Variants in ATP6V1H observed in about 807,000 individuals in gnomAD.
ATP6V1H encodes the protein V-type proton ATPase subunit H.
In ATP6V1H, 39 loss-of-function variants were observed where a neutral mutation model predicts 71.7. The observed-to-expected ratio is 0.54, with a 90% CI of 0.42 to 0.71. ATP6V1H has a LOEUF of 0.71. ATP6V1H is among the 30% of genes least tolerant of loss of function. The probability of loss-of-function intolerance (pLI) is 0.00; values close to 1 mark genes in which losing one functional copy is unlikely to be tolerated. For missense variants in ATP6V1H, 509 were observed against 594.9 expected, an observed-to-expected ratio of 0.86 and a Z score of 1.50; for synonymous variants, 192 against 199.3, an observed-to-expected ratio of 0.96 and a Z score of 0.31.
At chr8:53,727,388 T>C (rs2130109926) in intron 13 of ATP6V1H, among the ~76,000 whole-genome samples, 1 of 152,334 alleles carries the variant, frequency 6.6e-6, no homozygotes, top group Non-Finnish European at 1.5e-5. Flanking sequence ...CAGTTCTCCC[T>C]AGAGTTAAGC....
chr8:53,770,386 G>T (rs1338633230), intron 10 of ATP6V1H, among the ~76,000 whole-genome samples: 2 of 152,128 alleles, frequency 1.3e-5, no homozygotes, highest in East Asian at 3.8e-4. Flanking sequence ...CTTTACAGTA[G>T]GAAAATGTTT....
chr8:53,783,992 G>A (rs1429843709), intron 9 of ATP6V1H, among the ~76,000 whole-genome samples: 1 of 152,242 alleles, frequency 6.6e-6, no homozygotes, highest in Non-Finnish European at 1.5e-5. Flanking sequence ...TAGGTGTGGT[G>A]TGGTGCTGAA....
chr8:53,746,252 T>C (rs1468304781), intron 12 of ATP6V1H, among the ~76,000 whole-genome samples: 1 of 151,982 alleles, frequency 6.6e-6, no homozygotes, highest in Non-Finnish European at 1.5e-5. Flanking sequence ...ATGATTGATA[T>C]TATTATGTTT....
At chr8:53,755,775 T>A (rs1490482242) in intron 12 of ATP6V1H, among the ~76,000 whole-genome samples, 1 of 76,500 alleles carries the variant, frequency 1.3e-5, no homozygotes, top group Admixed American at 1.4e-4. Flanking sequence ...TTTTTTTTTT[T>A]GAGACGGAGT....
intron 4 of ATP6V1H, among the ~76,000 whole-genome samples, chr8:53,828,043 T>C (rs1810878434): frequency 6.6e-6 from 1 of 152,216 alleles, no homozygotes; most frequent in African/African-American, 2.4e-5. Flanking sequence ...ATGTCTTTGC[T>C]AATGTGAATG....
chr8:53,804,751 G>T (rs1810023588), intron 7 of ATP6V1H, among the ~76,000 whole-genome samples: 1 of 152,174 alleles, frequency 6.6e-6, no homozygotes, highest in Admixed American at 6.5e-5. Context: ...AGTATTCTTT[G>T]TACTGTGCCA....
At chr8:53,750,466 G>A (rs571371746) in intron 12 of ATP6V1H, among the ~76,000 whole-genome samples, 3 of 152,112 alleles carry the variant, frequency 2.0e-5, no homozygotes, top group Non-Finnish European at 2.9e-5. Flanking sequence ...CAAGCAAAAC[G>A]ACATAAAACA....
chr8:53,719,301 G>C (rs1806535508), intron 13 of ATP6V1H, among the ~76,000 whole-genome samples: 2 of 152,088 alleles, frequency 1.3e-5, no homozygotes, highest in Admixed American at 1.3e-4. Flanking sequence ...CCCCCGAGTA[G>C]CTGGGATTAC....
intron 12 of ATP6V1H, among the ~76,000 whole-genome samples, chr8:53,752,542 T>A (rs945367019): frequency 1.9e-4 from 29 of 152,216 alleles, no homozygotes; most frequent in African/African-American, 6.8e-4. Flanking sequence ...AAACTGAGTA[T>A]AGATACTTTC....
intron 7 of ATP6V1H, 68 bp downstream of exon 7, chr8:53,811,096 T>C (rs1810258924): frequency 7.0e-7 from 1 of 1,423,856 alleles, no homozygotes. Flanking sequence ...ACCTTCAAAA[T>C]TTTAAGTGTA....
intron 12 of ATP6V1H, among the ~76,000 whole-genome samples, chr8:53,750,975 G>A (rs1200044001): frequency 6.6e-6 from 1 of 152,122 alleles, no homozygotes; most frequent in African/African-American, 2.4e-5. Flanking sequence ...TATTATCAAT[G>A]AGTATTAACT....
chr8:53,751,686 TC>T (rs1349657011), intron 12 of ATP6V1H, among the ~76,000 whole-genome samples: 1 of 152,004 alleles, frequency 6.6e-6, no homozygotes, highest in Non-Finnish European at 1.5e-5. Flanking sequence ...TTTTTTTTTT[TC>T]GAGACAGAGT....
intron 13 of ATP6V1H, among the ~76,000 whole-genome samples, chr8:53,725,569 C>T (rs547953046): frequency 6.8e-6 from 1 of 147,670 alleles, no homozygotes; most frequent in Non-Finnish European, 1.5e-5. Context: ...CCATCTAATT[C>T]CCTTACACAA....
At chr8:53,819,561 T>TATATATATATAG (rs1810567276) in intron 4 of ATP6V1H, among the ~76,000 whole-genome samples, 1 of 122,524 alleles carries the variant, frequency 8.2e-6, no homozygotes, top group Non-Finnish European at 1.7e-5. Context: ...TATATATATA[T>TATATATATATAG]ATATATATAT....
chr8:53,737,148 C>T (rs1041619793), intron 13 of ATP6V1H, among the ~76,000 whole-genome samples: 1 of 152,214 alleles, frequency 6.6e-6, no homozygotes, highest in African/African-American at 2.4e-5. Flanking sequence ...CACAAGTCTG[C>T]CAAAGCTCCC....
intron 9 of ATP6V1H, among the ~76,000 whole-genome samples, chr8:53,779,872 T>C (rs914267976): frequency 3.3e-5 from 5 of 152,156 alleles, no homozygotes; most frequent in African/African-American, 7.2e-5. Flanking sequence ...CTTTAAGATA[T>C]TGTCGGCTGG....
At position 53,797,843 on chromosome 8, in the gene ATP6V1H, AC is replaced by A. The variant is rs1314899958; in HGVS notation, c.678-2005del. 2.0e-5 allele frequency among the ~76,000 whole-genome samples: 3 copies of A among 152,188 alleles called. No individual in the cohort carries two copies. In the East Asian group the frequency reaches 5.8e-4, roughly 29 times the overall value. ...GCAAAACCCCATCTCTATCAAAAAA[AC>A]ATAACAATACCAAAAAATTTCCCAA... On this transcript the variant is annotated intron_variant, in intron 8 of 13. Coordinates refer to ENST00000359530, the MANE Select transcript of ATP6V1H (RefSeq NM_015941.4).
At chr8:53,761,065 G>A (rs1178265667) in intron 11 of ATP6V1H, among the ~76,000 whole-genome samples, 3 of 152,098 alleles carry the variant, frequency 2.0e-5, no homozygotes, top group Non-Finnish European at 4.4e-5. Context: ...AGCCAGGCGC[G>A]GTGGCTCACG....
intron 5 of ATP6V1H, among the ~76,000 whole-genome samples, chr8:53,816,591 T>C (rs1005030574): frequency 6.6e-6 from 1 of 150,618 alleles, no homozygotes. Context: ...AGGTCAGGAG[T>C]TCAAGACCAG....
Sources: gnomAD v4.1 joint callset for allele counts (sites outside exome capture counted in the v4.1 genomes callset) on GRCh38, gnomAD v4.1.1 for gene constraint, MANE v1.5 for transcripts, NCBI Gene and HGNC (gene_info 2026-07-23, HGNC 2026-07-21) for gene names.